Variants in FDX1 observed in about 807,000 individuals in gnomAD.
The protein encoded by FDX1 is ferredoxin 1.
A neutral mutation model predicts 14.9 loss-of-function variants in FDX1; 9 were observed. That is an observed-to-expected ratio of 0.60 (90% CI 0.36 to 1.05). The LOEUF is 1.05. Among genes scored for constraint, FDX1 ranks in the 50% least tolerant of loss-of-function variants. FDX1 has a pLI of 0.01. For missense variants in FDX1, 204 were observed against 237.2 expected (o/e 0.86, Z 0.92); for synonymous variants, 92 against 99.4 (o/e 0.93, Z 0.44).
chr11:110,457,749 G>GATA (rs10657695), intron 3 of FDX1, among the ~76,000 whole-genome samples: 74,281 of 151,650 alleles, frequency 0.49, 18,801 homozygotes, highest in East Asian at 0.63. Context: ...AAAAATTAAA[G>GATA]ATAGTAATAA....
intron 2 of FDX1, among the ~76,000 whole-genome samples, chr11:110,451,503 T>G (rs987034291): frequency 6.6e-6 from 1 of 152,174 alleles, no homozygotes; most frequent in African/African-American, 2.4e-5. Context: ...GAAAATTAGT[T>G]CAACCATTGT....
intron 2 of FDX1, among the ~76,000 whole-genome samples, chr11:110,451,753 G>A (rs576269565): frequency 3.6e-4 from 55 of 152,324 alleles, no homozygotes; most frequent in South Asian, 3.1e-3. Flanking sequence ...CTGTGCAGCC[G>A]TAGAAGGAAC....
chr11:110,454,631 G>C (rs1565384540), intron 2 of FDX1, among the ~76,000 whole-genome samples: 1 of 152,062 alleles, frequency 6.6e-6, no homozygotes, highest in African/African-American at 2.4e-5. Context: ...ATTACTCTAA[G>C]AGTTTCTGTA....
At chr11:110,441,263 G>A (rs1946402653) in intron 2 of FDX1, among the ~76,000 whole-genome samples, 1 of 152,218 alleles carries the variant, frequency 6.6e-6, no homozygotes, top group African/African-American at 2.4e-5. Flanking sequence ...GGTACGAGGA[G>A]TAGGGTGCTG....
At chr11:110,444,670 A>ACG (rs1430999379) in intron 2 of FDX1, among the ~76,000 whole-genome samples, 840 of 71,360 alleles carry the variant, frequency 0.012, 93 homozygotes, top group African/African-American at 0.051. Context: ...ATATACGTAT[A>ACG]TATATATATA....
intron 1 of FDX1, among the ~76,000 whole-genome samples, chr11:110,434,730 T>TTG (rs1184716046): frequency 3.8e-5 from 5 of 131,092 alleles, no homozygotes; most frequent in African/African-American, 1.2e-4. Flanking sequence ...TTTTTGTTTT[T>TTG]TTTTTTTTTT....
intron 3 of FDX1, 105 bp from the exon 4 acceptor site, chr11:110,462,249 T>G (rs535233993): frequency 3.6e-6 from 2 of 555,522 alleles, no homozygotes; most frequent in Admixed American, 6.3e-5. Context: ...ATAAGTTCCC[T>G]GACTGCTTTG....
chr11:110,447,689 T>C (rs1482453547), intron 2 of FDX1, among the ~76,000 whole-genome samples: 1 of 152,164 alleles, frequency 6.6e-6, no homozygotes, highest in Non-Finnish European at 1.5e-5. Context: ...CTGAGACACA[T>C]CCCTCTCTCT....
At chr11:110,434,662 C>G (rs1044328138) in intron 1 of FDX1, among the ~76,000 whole-genome samples, 2 of 151,404 alleles carry the variant, frequency 1.3e-5, no homozygotes, top group South Asian at 2.1e-4. Flanking sequence ...CTCACTACAA[C>G]CCTGGTCTAG....
At chr11:110,441,444 A>G (rs1310193393) in intron 2 of FDX1, among the ~76,000 whole-genome samples, 4 of 152,230 alleles carry the variant, frequency 2.6e-5, no homozygotes, top group Non-Finnish European at 5.9e-5. Flanking sequence ...GGACAATGAA[A>G]TTCAGGCTGA....
At position 110,435,832 on chromosome 11, in the gene FDX1, A is replaced by G. The variant is rs1378644910; in HGVS notation, c.186-2A>G. 1.3e-6 allele frequency: 2 copies of G among 1,580,426 alleles called. No individual in the cohort carries two copies. The highest frequency in any genetic ancestry group is 1.7e-6 in the Non-Finnish European group (2 of 1,165,864). On this transcript the variant is annotated splice_acceptor_variant, in intron 1 of 3. Coordinates refer to ENST00000260270, the MANE Select transcript of FDX1 (RefSeq NM_004109.5). LOFTEE classifies it high-confidence loss of function. ...ATACTAAAGGACTGTTTTTTTTTCC[A>G]GCTCAGAAGATAAAATAACAGTCCA... is the stretch of plus-strand genomic sequence containing the variant.
At chr11:110,432,848 C>T (rs1404219379) in intron 1 of FDX1, among the ~76,000 whole-genome samples, 2 of 152,336 alleles carry the variant, frequency 1.3e-5, no homozygotes, top group East Asian at 3.9e-4. Context: ...TCCGCCTCCT[C>T]TCCTCTTCTT....
chr11:110,439,230 C>T (rs941548509), intron 2 of FDX1, among the ~76,000 whole-genome samples: 11 of 151,768 alleles, frequency 7.2e-5, no homozygotes, highest in Admixed American at 1.3e-4. Flanking sequence ...AACCCCGAGA[C>T]GGAGTCTCAC....
chr11:110,463,724 G>A lies in FDX1; in HGVS notation c.*1256G>A, dbSNP rs539440304. The A allele has an allele frequency of 1.3e-5, 2 of 152,290 alleles. No homozygotes were observed. Among genetic ancestry groups the A allele is most frequent in the Non-Finnish European group, 2.9e-5 (2 of 68,020 alleles). The allele number at this position is 152,290 out of a possible 1,614,324, so 9.4% of individuals were successfully genotyped here. A position where few individuals can be genotyped will look rare whatever the true frequency, so the allele number is the denominator to read the frequency against. ...CACAGAGGTGAACAAGACAAGGAAT[G>A]CCATCAGGGAATTCACCTTTTATTA... On this transcript the variant is annotated 3_prime_UTR_variant, in exon 4 of 4. Coordinates refer to ENST00000260270, the MANE Select transcript of FDX1 (RefSeq NM_004109.5).
chr11:110,462,390 T>C lies in FDX1; in HGVS notation c.477T>C (p.Ser159=). The change falls in exon 4 of 4, where the codon TCT becomes TCC. Residue 159 remains serine (S), a synonymous_variant. Coordinates refer to ENST00000260270, the MANE Select transcript of FDX1 (RefSeq NM_004109.5). ...GCTGCCAAATCTGTTTGACAAAATC[T>C]ATGGACAATATGACTGTTCGAGTGC... The part of the protein sequence containing the change: ...RLGCQICLTK[S]MDNMTVRVPE... 1.2e-6 allele frequency: 2 copies of C among 1,612,368 alleles called. No individual in the cohort carries two copies. Among genetic ancestry groups the C allele is most frequent in the Non-Finnish European group, 1.7e-6 (2 of 1,178,630 alleles).
At chr11:110,435,238 A>G (rs1275596832) in intron 1 of FDX1, among the ~76,000 whole-genome samples, 1 of 152,164 alleles carries the variant, frequency 6.6e-6, no homozygotes, top group Non-Finnish European at 1.5e-5. Flanking sequence ...TTTTGTAAAG[A>G]TGGGATCTTG....
chr11:110,457,243 T>A (rs991093804), intron 3 of FDX1, among the ~76,000 whole-genome samples, 196 bp downstream of exon 3: 2 of 152,210 alleles, frequency 1.3e-5, no homozygotes, highest in African/African-American at 4.8e-5. Flanking sequence ...TATGAAATTT[T>A]ACAAAAGTAA....
intron 3 of FDX1, among the ~76,000 whole-genome samples, chr11:110,458,831 TC>T (rs1374925851): frequency 1.3e-5 from 2 of 152,152 alleles, no homozygotes; most frequent in Non-Finnish European, 2.9e-5. Context: ...TGTCTCGAAC[TC>T]CTGACCTCAT....
chr11:110,430,478 G>T (rs1946323397), intron 1 of FDX1, among the ~76,000 whole-genome samples, 173 bp downstream of exon 1: 1 of 152,184 alleles, frequency 6.6e-6, no homozygotes, highest in Non-Finnish European at 1.5e-5. Flanking sequence ...CCGTCTCGCT[G>T]CTCGGTGGCG....
Sources: gnomAD v4.1 joint callset for allele counts (sites outside exome capture counted in the v4.1 genomes callset) on GRCh38, gnomAD v4.1.1 for gene constraint, MANE v1.5 for transcripts, NCBI Gene and HGNC (gene_info 2026-07-23, HGNC 2026-07-21) for gene names.